Variants in CAB39L observed in about 807,000 individuals in gnomAD.
CAB39L encodes the protein calcium binding protein 39 like.
CAB39L carries 23 observed loss-of-function variants against 39.1 expected under a neutral mutation model. The observed-to-expected ratio is 0.59, with a 90% confidence interval of 0.42 to 0.83. The LOEUF (loss-of-function observed/expected upper bound fraction) is 0.83, where lower values mean the gene tolerates loss of function less well. CAB39L is among the 40% of genes least tolerant of loss of function. CAB39L has a pLI of 0.00. For synonymous variants in CAB39L, 126 were observed against 137.2 expected (o/e 0.92, Z 0.57); for missense variants, 366 against 391.9 (o/e 0.93, Z 0.56).
chr13:49,331,990 T>A lies in CAB39L; in HGVS notation c.791A>T (p.Asp264Val), dbSNP rs1053785170. 3.1e-6 allele frequency: 5 copies of A among 1,614,030 alleles called. No homozygotes were observed. In the African/African-American group the frequency reaches 6.7e-5, roughly 22 times the overall value. ...NLKLMMNLLR[D>V]KSPNIQFEAF... ...TTCAAACTGGATGTTGGGACTTTTA[T>A]CCCGAAGGAGGTTCATCATGAGTTT... Residue 264 changes from aspartate to valine, a missense_variant, in exon 10 of 11, where the codon GAT becomes GTT. By Grantham distance (152) the Asp-to-Val change is radical (BLOSUM62 -3). Coordinates refer to ENST00000409308, the MANE Select transcript of CAB39L (RefSeq NM_001079670.3).
chr13:49,391,715 G>T (rs1040116112), intron 3 of CAB39L, among the ~76,000 whole-genome samples: 1 of 152,036 alleles, frequency 6.6e-6, no homozygotes, highest in African/African-American at 2.4e-5. Flanking sequence ...ATTTAATGAT[G>T]AATATTAGAA....
chr13:49,382,764 G>T, intron 4 of CAB39L, 36 bp downstream of exon 4: 1 of 1,318,618 alleles, frequency 7.6e-7, no homozygotes, highest in Non-Finnish European at 1.1e-6. Context: ...TGCGATGCAT[G>T]TACTTTAATC....
chr13:49,419,591 GGAA>G (rs1328131010), intron 3 of CAB39L, among the ~76,000 whole-genome samples: 1 of 152,158 alleles, frequency 6.6e-6, no homozygotes, highest in African/African-American at 2.4e-5. Flanking sequence ...TCAAAAAATA[GGAA>G]GAAGAAGAAA....
intron 10 of CAB39L, among the ~76,000 whole-genome samples, chr13:49,321,608 G>T (rs1954344265): frequency 6.6e-6 from 1 of 152,164 alleles, no homozygotes; most frequent in African/African-American, 2.4e-5. Flanking sequence ...CAGTATGGCT[G>T]CCAGCTTCGC....
chr13:49,352,799 C>T (rs1955391657), intron 6 of CAB39L, among the ~76,000 whole-genome samples: 2 of 151,950 alleles, frequency 1.3e-5, no homozygotes, highest in Non-Finnish European at 2.9e-5. Context: ...TATCATTGAC[C>T]ATTTCAACTG....
rs374164236 is a variant in CAB39L, at chr13:49,432,207, T to C, written c.-32+1111A>G. 6.6e-5 allele frequency among the ~76,000 whole-genome samples: 10 copies of C among 152,240 alleles called. No individual in the cohort carries two copies. The South Asian group carries it at 2.1e-3, about 32-fold the overall frequency. On this transcript the variant is annotated intron_variant, in intron 3 of 10. Coordinates refer to ENST00000409308, the MANE Select transcript of CAB39L (RefSeq NM_001079670.3). ...TCTTGATCTGTTGCCCAGGCTGGAG[T>C]GCAGTGGTGTGACCATGGCTCACTG... is the stretch of plus-strand genomic sequence containing the variant.
intron 5 of CAB39L, among the ~76,000 whole-genome samples, chr13:49,375,271 G>C (rs908447868): frequency 5.9e-5 from 9 of 152,096 alleles, no homozygotes; most frequent in African/African-American, 2.2e-4. Context: ...AAGAGGTTAA[G>C]TTACTGACCA....
intron 5 of CAB39L, among the ~76,000 whole-genome samples, chr13:49,376,210 A>C (rs1956055188): frequency 6.6e-6 from 1 of 152,252 alleles, no homozygotes; most frequent in South Asian, 2.1e-4. Context: ...TGGAGACCCA[A>C]GTACCTACCT....
At chr13:49,400,582 T>A (rs1594059507) in intron 3 of CAB39L, among the ~76,000 whole-genome samples, 1 of 152,038 alleles carries the variant, frequency 6.6e-6, no homozygotes, top group Non-Finnish European at 1.5e-5. Context: ...GAAACCCAAA[T>A]GCATTCATTC....
chr13:49,368,818 G>A (rs1011125197), intron 5 of CAB39L, among the ~76,000 whole-genome samples: 2 of 152,216 alleles, frequency 1.3e-5, no homozygotes, highest in African/African-American at 2.4e-5. Flanking sequence ...GGAAGAAAGA[G>A]GTGGTGAACA....
chr13:49,392,354 C>CA (rs1219380346), intron 3 of CAB39L, among the ~76,000 whole-genome samples: 1 of 151,110 alleles, frequency 6.6e-6, no homozygotes, highest in Non-Finnish European at 1.5e-5. Flanking sequence ...TGAAAGGAAA[C>CA]AGAGGAACAG....
intron 10 of CAB39L, among the ~76,000 whole-genome samples, chr13:49,329,533 T>G (rs1954607211): frequency 3.6e-5 from 1 of 27,654 alleles, no homozygotes; most frequent in Non-Finnish European, 5.8e-5. Context: ...ATCTCTTCAA[T>G]TAAAAAAAAA....
chr13:49,313,351 G>T (rs1299512163), intron 10 of CAB39L, among the ~76,000 whole-genome samples: 1 of 152,024 alleles, frequency 6.6e-6, no homozygotes, highest in Non-Finnish European at 1.5e-5. Context: ...CGTGGTGGCG[G>T]GCGCCTGTAG....
intron 3 of CAB39L, among the ~76,000 whole-genome samples, chr13:49,422,617 AT>A (rs1215728098): frequency 0.033 from 4,713 of 143,818 alleles, 72 homozygotes; most frequent in South Asian, 0.048. Context: ...TTCTCCCTTA[AT>A]TTTTTTTTTT....
chr13:49,353,565 T>C (rs1955413065), intron 6 of CAB39L, among the ~76,000 whole-genome samples: 1 of 151,976 alleles, frequency 6.6e-6, no homozygotes, highest in Non-Finnish European at 1.5e-5. Flanking sequence ...CTCAGATGCT[T>C]CTCATCTCTC....
At chr13:49,339,965 G>C (rs1954958908) in intron 8 of CAB39L, among the ~76,000 whole-genome samples, 1 of 152,124 alleles carries the variant, frequency 6.6e-6, no homozygotes, top group Admixed American at 6.5e-5. Flanking sequence ...GAGTAATTTT[G>C]AGTCCTTCCA....
At chr13:49,418,311 A>G (rs2138703756) in intron 3 of CAB39L, among the ~76,000 whole-genome samples, 1 of 152,356 alleles carries the variant, frequency 6.6e-6, no homozygotes, top group South Asian at 2.1e-4. Flanking sequence ...CCATTCATAT[A>G]AAATGTCCAG....
At chr13:49,354,315 T>C (rs1322458360) in intron 6 of CAB39L, among the ~76,000 whole-genome samples, 4 of 152,342 alleles carry the variant, frequency 2.6e-5, no homozygotes, top group African/African-American at 7.2e-5. Context: ...CAGAGATATA[T>C]AGGGAATTCT....
chr13:49,335,628 G>A (rs1339438017), intron 9 of CAB39L, among the ~76,000 whole-genome samples: 1 of 152,118 alleles, frequency 6.6e-6, no homozygotes, highest in Non-Finnish European at 1.5e-5. Context: ...GTGGAAATAA[G>A]TTTTTTAGAA....
Sources: gnomAD v4.1 joint callset for allele counts (sites outside exome capture counted in the v4.1 genomes callset) on GRCh38, gnomAD v4.1.1 for gene constraint, MANE v1.5 for transcripts, NCBI Gene and HGNC (gene_info 2026-07-23, HGNC 2026-07-21) for gene names.